WDR27: variants seen among roughly 807,000 people sequenced by gnomAD.
WDR27 encodes WD repeat domain 27, also known as WD repeat-containing protein 27.
In WDR27, 100 loss-of-function variants were observed where a neutral mutation model predicts 114.4. The ratio of observed to expected loss-of-function variants is 0.87; its 90% confidence interval spans 0.74 to 1.03. WDR27 has a LOEUF of 1.03. Among genes scored for constraint, WDR27 ranks in the 50% least tolerant of loss-of-function variants. The probability of loss-of-function intolerance (pLI) is 0.00; values close to 1 mark genes in which losing one functional copy is unlikely to be tolerated. For missense variants in WDR27, 1,129 were observed against 1,092.9 expected (o/e 1.03, Z -0.47); for synonymous variants, 449 against 423.1 (o/e 1.06, Z -0.75).
intron 25 of WDR27, among the ~76,000 whole-genome samples, chr6:169,475,267 G>C (rs1786987750): frequency 6.6e-6 from 1 of 152,078 alleles, no homozygotes; most frequent in Admixed American, 6.5e-5. Flanking sequence ...TTTCACCCAG[G>C]TGGAGTGCAG....
At chr6:169,456,684 G>A (rs538551324), downstream of WDR27, among the ~76,000 whole-genome samples, 1 of 152,152 alleles carries the variant, frequency 6.6e-6, no homozygotes, top group South Asian at 2.1e-4. This position sits in a 1 kb window ranked among gnomAD's most constrained non-coding sequence, Gnocchi z 4.0. Context: ...GCCATGCTGT[G>A]CACAGAGACA....
chr6:169,430,710 C>T, the WDR27 span, among the ~76,000 whole-genome samples: 1 of 152,228 alleles, frequency 6.6e-6, no homozygotes, highest in Non-Finnish European at 1.5e-5. Context: ...GAGCTGTCCT[C>T]ATCTGTAATA....
At chr6:169,698,936 C>A (rs1787034981) in intron 1 of WDR27, among the ~76,000 whole-genome samples, 1 of 152,164 alleles carries the variant, frequency 6.6e-6, no homozygotes, top group Admixed American at 6.5e-5. Context: ...GATGTGGGTA[C>A]CTTGAAGCAG....
chr6:169,492,890 T>C (rs1171703641), intron 25 of WDR27, among the ~76,000 whole-genome samples: 1 of 152,072 alleles, frequency 6.6e-6, no homozygotes, highest in Non-Finnish European at 1.5e-5. Flanking sequence ...CAGGATAATT[T>C]AGACATTTTT....
intron 25 of WDR27, among the ~76,000 whole-genome samples, chr6:169,570,916 A>T (rs1448370557): frequency 6.6e-6 from 1 of 152,220 alleles, no homozygotes; most frequent in Non-Finnish European, 1.5e-5. Context: ...GCCAGGAAGG[A>T]GGGGACAGCA....
In WDR27 at chr6:169,590,323, G is replaced by C. The variant is rs532418023; in HGVS notation, c.2425-7389C>G. On this transcript the variant is annotated intron_variant, in intron 23 of 25. Coordinates refer to ENST00000448612, the MANE Select transcript of WDR27 (RefSeq NM_182552.5). ...CAATGGTAGTGATATTTTCCACAGG[G>C]GAATCAACTATCATATTATGCTCAC... 1.0e-3 allele frequency among the ~76,000 whole-genome samples: 152 copies of C among 152,178 alleles called. 1 individual carries two copies. Among genetic ancestry groups the C allele is most frequent in the African/African-American group, 3.6e-3 (149 of 41,508 alleles).
intron 13 of WDR27, 41 bp from the exon 14 acceptor site, chr6:169,652,049 A>G: frequency 6.3e-7 from 1 of 1,576,584 alleles, no homozygotes; most frequent in Non-Finnish European, 8.7e-7. Flanking sequence ...AACACTTAAA[A>G]TTAGCATCTC....
intron 25 of WDR27, among the ~76,000 whole-genome samples, chr6:169,482,129 T>C (rs543197069): frequency 1.3e-5 from 2 of 152,356 alleles, no homozygotes; most frequent in Admixed American, 1.3e-4. Flanking sequence ...GACATGATCT[T>C]ATCTTTTTTT....
chr6:169,508,526 TAAGAGTGAA>T (rs746034821), intron 25 of WDR27, among the ~76,000 whole-genome samples: 5 of 152,206 alleles, frequency 3.3e-5, no homozygotes, highest in Non-Finnish European at 7.4e-5. Context: ...AGTTGTTGTT[TAAGAGTGAA>T]TAGTCTAAAG....
chr6:169,631,572 A>T lies in WDR27; in HGVS notation c.2223+1375T>A, dbSNP rs1036497686. On this transcript the variant is annotated intron_variant, in intron 21 of 25. Coordinates refer to ENST00000448612, the MANE Select transcript of WDR27 (RefSeq NM_182552.5). ...GCAGTCTCCCCAGGCGTCCTCCTGG[A>T]CTCCGAAGCTCTGACTACCCCACAC... is the stretch of plus-strand genomic sequence containing the variant. Among the ~76,000 whole-genome samples the T allele has an allele frequency of 6.6e-5, 10 of 152,056 alleles. No homozygotes were observed. In the East Asian group the frequency reaches 1.9e-3, roughly 30 times the overall value.
At chr6:169,567,573 G>A (rs1403772648) in intron 25 of WDR27, among the ~76,000 whole-genome samples, 1 of 152,136 alleles carries the variant, frequency 6.6e-6, no homozygotes, top group Non-Finnish European at 1.5e-5. Context: ...TAGTGCAAGA[G>A]CCTAGGAGGT....
intron 21 of WDR27, among the ~76,000 whole-genome samples, chr6:169,630,891 C>A (rs2128214007): frequency 1.9e-5 from 1 of 53,524 alleles, no homozygotes; most frequent in African/African-American, 8.2e-5. Flanking sequence ...AAGATTCCAT[C>A]TCAAATCAAT....
chr6:169,555,136 G>A (rs547385553), intron 25 of WDR27, among the ~76,000 whole-genome samples: 2 of 152,244 alleles, frequency 1.3e-5, no homozygotes, highest in Admixed American at 1.3e-4. Context: ...TGGCACACAG[G>A]ATATATAAGT....
chr6:169,478,301 G>C (rs1460159903), intron 25 of WDR27, among the ~76,000 whole-genome samples: 2 of 152,104 alleles, frequency 1.3e-5, no homozygotes, highest in African/African-American at 2.4e-5. Context: ...ACAAATAAAT[G>C]CTACCACATG....
intron 25 of WDR27, among the ~76,000 whole-genome samples, chr6:169,542,948 G>A (rs6912469): frequency 1.3e-5 from 2 of 152,028 alleles, no homozygotes; most frequent in East Asian, 1.9e-4. Context: ...TTGAGAAAAC[G>A]TATCTTTTGT....
In WDR27 at chr6:169,683,362, G is replaced by A. The variant is rs983737306; in HGVS notation, c.189+5455C>T. Among the ~76,000 whole-genome samples, 5 of 152,054 alleles carry A rather than the reference G, an allele frequency of 3.3e-5. 1 individual carries two copies. Among genetic ancestry groups the A allele is most frequent in the Admixed American group, 2.0e-4 (3 of 15,262 alleles). ...GACCCAACATGCCTGGCAGCAGACT[G>A]TTCAGCAAAAACCTTACAGGCAAGA... On this transcript the variant is annotated intron_variant, in intron 2 of 25. Coordinates refer to ENST00000448612, the MANE Select transcript of WDR27 (RefSeq NM_182552.5).
At chr6:169,527,535 C>T (rs937546807) in intron 25 of WDR27, among the ~76,000 whole-genome samples, 1 of 152,062 alleles carries the variant, frequency 6.6e-6, no homozygotes, top group African/African-American at 2.4e-5. Context: ...TCAAGTGTCC[C>T]AGAATTAAAC....
rs996354773 is a variant in WDR27 at position 169,474,060 on chromosome 6, C to G, written c.2646-16426G>C. Among the ~76,000 whole-genome samples, 14 of 152,326 alleles carry G rather than the reference C, an allele frequency of 9.2e-5. No individual in the cohort carries two copies. The South Asian group carries it at 2.7e-3, about 29-fold the overall frequency. ...CAAGCTATGAAGGACAGGAACAAAT[C>G]CTTTCCTAAAATAAATTAGGATGTC... On this transcript the variant is annotated intron_variant, in intron 25 of 25. Transcript: ENST00000448612.
chr6:169,682,474 T>C (rs1428103404), intron 2 of WDR27, among the ~76,000 whole-genome samples: 1 of 152,192 alleles, frequency 6.6e-6, no homozygotes, highest in East Asian at 1.9e-4. Context: ...CTCAGAGTTC[T>C]TGCAAGACTC....
Sources: allele counts gnomAD v4.1 joint callset (sites outside exome capture counted in the v4.1 genomes callset), GRCh38; gene constraint gnomAD v4.1.1; non-coding constraint Gnocchi (gnomAD v3.1); transcripts MANE v1.5; gene names NCBI Gene and HGNC (gene_info 2026-07-23, HGNC 2026-07-21).